FMNL2: variants seen among roughly 807,000 people sequenced by gnomAD.
FMNL2 encodes formin-like protein 2.
Under a neutral mutation model 130.2 loss-of-function variants are expected in FMNL2, and 51 were observed. The observed-to-expected ratio is 0.39, with a 90% CI of 0.31 to 0.49. The LOEUF is 0.49. Among genes scored for constraint, FMNL2 ranks in the 20% least tolerant of loss-of-function variants. The pLI, the probability that FMNL2 is intolerant of heterozygous loss-of-function variation, is 0.85. For missense variants in FMNL2, 977 were observed against 1,316.2 expected (o/e 0.74, Z 3.99); for synonymous variants, 465 against 467.1 (o/e 1.00, Z 0.06).
rs112517862 is a variant in FMNL2 at position 152,513,654 on chromosome 2, T to C, written c.118-8289T>C. ...TAAGAAAGCAAGCCTTCTAAGAAAA[T>C]AGACTGTACCTAAGATTGTGATTGA... On this transcript the variant is annotated intron_variant, in intron 1 of 25. Transcript: ENST00000288670. Among the ~76,000 whole-genome samples, 351 of 152,218 alleles carry C rather than the reference T, an allele frequency of 2.3e-3. 1 individual carries two copies. Among genetic ancestry groups the C allele is most frequent in the Non-Finnish European group, 4.0e-3 (271 of 67,994 alleles).
At chr2:152,610,536 A>G (rs1259769421) in intron 10 of FMNL2, among the ~76,000 whole-genome samples, 1 of 152,218 alleles carries the variant, frequency 6.6e-6, no homozygotes, top group Non-Finnish European at 1.5e-5. Context: ...GATGTTTTGT[A>G]TGAATGGAAT....
chr2:152,451,825 T>C (rs957860793), intron 1 of FMNL2, among the ~76,000 whole-genome samples: 1 of 152,172 alleles, frequency 6.6e-6, no homozygotes, highest in Non-Finnish European at 1.5e-5. Context: ...CAGTTTCGAT[T>C]GTGGGCTGAA....
intron 1 of FMNL2, among the ~76,000 whole-genome samples, chr2:152,495,844 T>C (rs949612203): frequency 6.6e-6 from 1 of 152,002 alleles, no homozygotes; most frequent in Non-Finnish European, 1.5e-5. Context: ...GCTGTTCTGA[T>C]TCTACGTTAG....
chr2:152,483,496 A>G (rs945487859), intron 1 of FMNL2, among the ~76,000 whole-genome samples: 4 of 152,230 alleles, frequency 2.6e-5, no homozygotes, highest in Non-Finnish European at 4.4e-5. Context: ...ATAACAATGC[A>G]TGGTAGACTT....
chr2:152,549,655 A>G lies in FMNL2; in HGVS notation c.359+558A>G, dbSNP rs147372319. On this transcript the variant is annotated intron_variant, in intron 4 of 25. Coordinates refer to ENST00000288670, the MANE Select transcript of FMNL2 (RefSeq NM_052905.4). ...TGGGAAAATAAAGTTCAGGGAATCTATGCACTAAGCATTCTGAGTTTCTTT... is the reference window on the plus strand; with the variant it reads ...TGGGAAAATAAAGTTCAGGGAATCTGTGCACTAAGCATTCTGAGTTTCTTT... Among the ~76,000 whole-genome samples, 15 of 152,354 alleles carry G rather than the reference A, an allele frequency of 9.8e-5. No homozygotes were observed. In the East Asian group the frequency reaches 2.5e-3, roughly 25 times the overall value.
At chr2:152,553,540 A>ATTT (rs568985282) in intron 4 of FMNL2, among the ~76,000 whole-genome samples, 2 of 126,370 alleles carry the variant, frequency 1.6e-5, no homozygotes, top group East Asian at 2.2e-4. Flanking sequence ...CAATTCTCAC[A>ATTT]TTTTTTTTTT....
At chr2:152,436,299 C>T (rs1215017000) in intron 1 of FMNL2, among the ~76,000 whole-genome samples, 4 of 152,056 alleles carry the variant, frequency 2.6e-5, no homozygotes, top group East Asian at 3.9e-4. Context: ...CTGGTGCACA[C>T]TACTATGCTT....
intron 1 of FMNL2, among the ~76,000 whole-genome samples, chr2:152,375,867 C>CTA (rs1156878897): frequency 4.4e-4 from 50 of 113,132 alleles, no homozygotes; most frequent in African/African-American, 1.5e-3. Flanking sequence ...CTCTCTCTCT[C>CTA]TCTCTCTCTC....
intron 1 of FMNL2, among the ~76,000 whole-genome samples, chr2:152,397,876 C>G (rs1685485356): frequency 6.6e-6 from 1 of 152,228 alleles, no homozygotes; most frequent in African/African-American, 2.4e-5. Context: ...GTAATCCCAG[C>G]ACCTTGGGAG....
At chr2:152,436,035 C>T (rs1052801013) in intron 1 of FMNL2, among the ~76,000 whole-genome samples, 5 of 130,524 alleles carry the variant, frequency 3.8e-5, no homozygotes, top group Admixed American at 8.0e-5. Context: ...CACTAAAAGA[C>T]GTGCTTAGTT....
At chr2:152,597,910 G>A (rs1246966881) in intron 9 of FMNL2, among the ~76,000 whole-genome samples, 1 of 152,200 alleles carries the variant, frequency 6.6e-6, no homozygotes, top group African/African-American at 2.4e-5. Flanking sequence ...TTGGGGAAAA[G>A]CAAAGATGAA....
At chr2:152,607,882 A>AT (rs34946629) in intron 10 of FMNL2, among the ~76,000 whole-genome samples, 2,018 of 150,484 alleles carry the variant, frequency 0.013, 34 homozygotes, top group African/African-American at 0.034. Flanking sequence ...TGCAGCAGTG[A>AT]TTTTTTTTTT....
chr2:152,596,381 T>A (rs1253465646), intron 9 of FMNL2, among the ~76,000 whole-genome samples: 6 of 152,226 alleles, frequency 3.9e-5, no homozygotes, highest in Non-Finnish European at 8.8e-5. Flanking sequence ...TAGTTCTTTG[T>A]ATGGTATGGT....
intron 9 of FMNL2, among the ~76,000 whole-genome samples, chr2:152,607,006 GTTTTTTTT>G (rs58237890): frequency 1.2e-5 from 1 of 84,850 alleles, no homozygotes; most frequent in Non-Finnish European, 2.4e-5. Context: ...TTTTTTTTTT[GTTTTTTTT>G]TTTTTTTTTT....
At chr2:152,615,095 T>C (rs1409671976) in intron 12 of FMNL2, 95 bp downstream of exon 12, 12 of 1,420,920 alleles carry the variant, frequency 8.4e-6, no homozygotes, top group Non-Finnish European at 1.2e-5. Context: ...TTTAAGGATT[T>C]GGAGTATAGG....
At chr2:152,510,365 A>T (rs2105357306) in intron 1 of FMNL2, among the ~76,000 whole-genome samples, 1 of 152,278 alleles carries the variant, frequency 6.6e-6, no homozygotes, top group Admixed American at 6.5e-5. Context: ...CCTTCCAGGG[A>T]CTTGGAGTTT....
intron 2 of FMNL2, among the ~76,000 whole-genome samples, chr2:152,540,910 C>T (rs977059711): frequency 6.6e-6 from 1 of 152,130 alleles, no homozygotes; most frequent in East Asian, 1.9e-4. Context: ...ATTTTAAAAT[C>T]TACAAGCAAG....
At chr2:152,471,403 A>C (rs1316179190) in intron 1 of FMNL2, among the ~76,000 whole-genome samples, 1 of 152,202 alleles carries the variant, frequency 6.6e-6, no homozygotes, top group South Asian at 2.1e-4. Context: ...TGAGCAAGTA[A>C]GATGTATTTA....
At chr2:152,441,463 G>A (rs1216277215) in intron 1 of FMNL2, among the ~76,000 whole-genome samples, 2 of 152,174 alleles carry the variant, frequency 1.3e-5, no homozygotes, top group Non-Finnish European at 2.9e-5. Flanking sequence ...TTGAGCCCGT[G>A]AGTTTGAGGC....
Sources: allele counts gnomAD v4.1 joint callset (sites outside exome capture counted in the v4.1 genomes callset), GRCh38; gene constraint gnomAD v4.1.1; transcripts MANE v1.5; gene names NCBI Gene and HGNC (gene_info 2026-07-23, HGNC 2026-07-21).